The following RBP7 variants were observed in gnomAD, a reference collection of about 807,000 sequenced individuals.
The protein encoded by RBP7 is retinol binding protein 7.
Under a neutral mutation model 16.7 loss-of-function variants are expected in RBP7, and 13 were observed. That is an observed-to-expected ratio of 0.78 (90% CI 0.51 to 1.24). RBP7 has a LOEUF of 1.24. Among genes scored for constraint, RBP7 ranks in the 50% most tolerant of loss-of-function variants. RBP7 has a pLI of 0.00. For synonymous variants in RBP7, 54 were observed against 56.2 expected (o/e 0.96, Z 0.17); for missense variants, 145 against 159.5 (o/e 0.91, Z 0.49).
chr1:9,998,410 T>TC (rs68088711), intron 1 of RBP7, among the ~76,000 whole-genome samples: 2,232 of 121,542 alleles, frequency 0.018, 36 homozygotes, highest in African/African-American at 0.056. Context: ...TTTCTTTCTT[T>TC]TTTTTTTTTT....
Position 9,997,262 on chromosome 1 carries a change from C to A in RBP7, c.4C>A (p.Pro2Thr), listed in dbSNP as rs765656985. ...GTTTGTCCCGCGATCCCCGACCATG[C>A]CCGCCGACCTCAGCGGTACTTGGAC... MPADLSGTWTLL... is the reference protein window; with the variant it reads MTADLSGTWTLL... The change falls in exon 1 of 4, where the codon CCC becomes ACC. Residue 2 changes from proline (P) to threonine (T), a missense_variant. Coordinates refer to ENST00000294435, the MANE Select transcript of RBP7 (RefSeq NM_052960.3). This position sits in a 1 kb window ranked among gnomAD's most constrained non-coding sequence, Gnocchi z 5.9. The A allele has an allele frequency of 3.7e-6, 6 of 1,608,924 alleles. No homozygotes were observed. The Admixed American group carries it at 6.7e-5, about 18-fold the overall frequency.
At chr1:10,014,401 T>C (rs551285087) in intron 3 of RBP7, among the ~76,000 whole-genome samples, 2 of 151,722 alleles carry the variant, frequency 1.3e-5, no homozygotes, top group East Asian at 3.9e-4. Context: ...TTTTTTTTTT[T>C]TTGAGATGGA....
intron 3 of RBP7, among the ~76,000 whole-genome samples, chr1:10,010,557 C>A (rs1230442258): frequency 2.6e-5 from 4 of 151,772 alleles, no homozygotes; most frequent in Non-Finnish European, 2.9e-5. Context: ...GCTGGGATTA[C>A]AGGCACCCGC....
At chr1:10,006,879 G>A in intron 1 of RBP7, 1 of 385,512 alleles carries the variant, frequency 2.6e-6, no homozygotes, top group Non-Finnish European at 5.0e-6. Flanking sequence ...AAATACATAA[G>A]GCAGAAAAAG....
At chr1:10,014,520 G>A (rs1271291191) in intron 3 of RBP7, among the ~76,000 whole-genome samples, 1 of 151,716 alleles carries the variant, frequency 6.6e-6, no homozygotes, top group Non-Finnish European at 1.5e-5. Context: ...CTGAGTAGGT[G>A]GGATTACAGG....
At chr1:10,011,813 T>G (rs1642625490) in intron 3 of RBP7, among the ~76,000 whole-genome samples, 1 of 152,154 alleles carries the variant, frequency 6.6e-6, no homozygotes, top group Non-Finnish European at 1.5e-5. Flanking sequence ...TCCCAGCACT[T>G]TGGGAAGCTG....
intron 1 of RBP7, among the ~76,000 whole-genome samples, chr1:10,001,872 A>G (rs1391380971): frequency 1.8e-4 from 27 of 151,268 alleles, no homozygotes; most frequent in Admixed American, 1.8e-3. Flanking sequence ...TTTGTTGCCC[A>G]GTCTGGAGTG....
rs972575740 is a variant in RBP7, at chr1:9,997,459, C to G, written c.73+128C>G. The G allele has an allele frequency of 1.3e-5, 11 of 830,182 alleles. No individual in the cohort carries two copies. The African/African-American group carries it at 2.0e-4, about 15-fold the overall frequency. The allele number at this position is 830,182 out of a possible 1,614,324, so 51.4% of individuals were successfully genotyped here. On this transcript the variant is annotated intron_variant, in intron 1 of 3. Transcript: ENST00000294435. This position sits in a 1 kb window ranked among gnomAD's most constrained non-coding sequence, Gnocchi z 5.9. ...CTCCGCCCTGCTGCGCCCACCGTCG[C>G]CCAGTCGCCCCCGAGTCCGCTGGTC...
intron 1 of RBP7, among the ~76,000 whole-genome samples, chr1:9,999,877 G>A (rs571555025): frequency 3.6e-4 from 52 of 146,474 alleles, no homozygotes; most frequent in Non-Finnish European, 5.7e-4. Context: ...GAGTGCAGTG[G>A]CGCGATCTCG....
chr1:10,015,603 A>G (rs954237535), intron 3 of RBP7, among the ~76,000 whole-genome samples, 179 bp from the exon 4 acceptor site: 1 of 150,118 alleles, frequency 6.7e-6, no homozygotes, highest in African/African-American at 2.5e-5. Flanking sequence ...GGCAGAGGTT[A>G]CAGTGAGCCG....
At chr1:10,010,071 T>C (rs953414750) in intron 3 of RBP7, among the ~76,000 whole-genome samples, 1 of 152,138 alleles carries the variant, frequency 6.6e-6, no homozygotes, top group African/African-American at 2.4e-5. Context: ...CTCCAAAACA[T>C]TCCCTAGAGG....
intron 1 of RBP7, among the ~76,000 whole-genome samples, chr1:10,000,424 A>G (rs1009833718): frequency 3.3e-5 from 5 of 150,388 alleles, no homozygotes; most frequent in African/African-American, 1.2e-4. Context: ...GTCCCAGCTA[A>G]TTGGGAGGCT....
intron 3 of RBP7, among the ~76,000 whole-genome samples, chr1:10,012,897 C>T (rs563800704): frequency 2.8e-4 from 40 of 141,910 alleles, no homozygotes; most frequent in African/African-American, 6.4e-4. Flanking sequence ...GCCAAGATCG[C>T]GCCACGGCAC....
At chr1:10,008,404 A>G in intron 3 of RBP7, 130 bp downstream of exon 3, 1 of 552,354 alleles carries the variant, frequency 1.8e-6, no homozygotes, top group South Asian at 2.4e-5. Context: ...TGAGGTCAGG[A>G]GACTAGCCTG....
At chr1:10,010,667 C>A (rs1405424609) in intron 3 of RBP7, among the ~76,000 whole-genome samples, 1 of 151,592 alleles carries the variant, frequency 6.6e-6, no homozygotes, top group Non-Finnish European at 1.5e-5. Flanking sequence ...TCACCACAAC[C>A]TCCACCTCCC....
At chr1:10,012,958 A>AG (rs1359095721) in intron 3 of RBP7, among the ~76,000 whole-genome samples, 2 of 151,546 alleles carry the variant, frequency 1.3e-5, no homozygotes, top group Non-Finnish European at 2.9e-5. Flanking sequence ...AAAAAAAAAA[A>AG]AGAGAAATAC....
intron 3 of RBP7, among the ~76,000 whole-genome samples, chr1:10,010,110 C>A (rs565166081): frequency 6.6e-6 from 1 of 152,050 alleles, no homozygotes; most frequent in South Asian, 2.1e-4. Context: ...TATTTTACAG[C>A]CTGTTTTGTT....
intron 2 of RBP7, 119 bp from the exon 3 acceptor site, chr1:10,008,053 CA>C (rs372996268): frequency 0.27 from 142,916 of 523,832 alleles, 470 homozygotes; most frequent in South Asian, 0.34. Context: ...GACTCCATCT[CA>C]AAAAAAAAAA....
At chr1:9,999,257 C>G (rs139206688) in intron 1 of RBP7, among the ~76,000 whole-genome samples, 18 of 152,136 alleles carry the variant, frequency 1.2e-4, no homozygotes, top group African/African-American at 4.3e-4. Flanking sequence ...TTATAAGTTA[C>G]CCACTCTTGC....
Sources: gnomAD v4.1 joint callset for allele counts (sites outside exome capture counted in the v4.1 genomes callset) on GRCh38, gnomAD v4.1.1 for gene constraint, Gnocchi (gnomAD v3.1) non-coding constraint, MANE v1.5 for transcripts, NCBI Gene and HGNC (gene_info 2026-07-23, HGNC 2026-07-21) for gene names.